Variants in CSMD1 observed in about 807,000 individuals in gnomAD.
CSMD1 encodes CUB and Sushi multiple domains 1, also known as CUB and sushi domain-containing protein 1.
CSMD1 carries 213 observed loss-of-function variants against 417.5 expected under a neutral mutation model. The ratio of observed to expected loss-of-function variants is 0.51; its 90% CI spans 0.46 to 0.57. The LOEUF (loss-of-function observed/expected upper bound fraction) is 0.57, where lower values mean the gene tolerates loss of function less well. Ranked by LOEUF, CSMD1 falls within the 20% of genes least tolerant of loss-of-function variation. The probability of loss-of-function intolerance (pLI) is 0.00; values close to 1 mark genes in which losing one functional copy is unlikely to be tolerated. For synonymous variants in CSMD1, 2,862 were observed against 1,736.8 expected, an observed-to-expected ratio of 1.65 and a Z score of -16.11; for missense variants, 6,923 against 4,529.7, an observed-to-expected ratio of 1.53 and a Z score of -15.17.
At chr8:4,497,975 A>G (rs1363494573) in intron 2 of CSMD1, among the ~76,000 whole-genome samples, 1 of 152,190 alleles carries the variant, frequency 6.6e-6, no homozygotes, top group Non-Finnish European at 1.5e-5. Flanking sequence ...AACAGGAGCG[A>G]CGTCTGCGTG....
At chr8:3,007,623 G>C (rs918862972) in intron 52 of CSMD1, among the ~76,000 whole-genome samples, 3 of 151,404 alleles carry the variant, frequency 2.0e-5, no homozygotes, top group Non-Finnish European at 2.9e-5. Flanking sequence ...CCTTCGTAGG[G>C]ACATGGATGA....
chr8:2,979,042 T>C (rs1396789393), intron 54 of CSMD1, among the ~76,000 whole-genome samples: 1 of 152,218 alleles, frequency 6.6e-6, no homozygotes, highest in African/African-American at 2.4e-5. Flanking sequence ...TTTCCTCTAT[T>C]TCCTAGTAAT....
chr8:3,959,286 C>T (rs1421913435), intron 5 of CSMD1, among the ~76,000 whole-genome samples: 1 of 152,112 alleles, frequency 6.6e-6, no homozygotes, highest in East Asian at 1.9e-4. Flanking sequence ...GACTTGAGGC[C>T]AGAAATGTGG....
chr8:4,912,944 C>A (rs1805798920), intron 1 of CSMD1, among the ~76,000 whole-genome samples: 1 of 152,138 alleles, frequency 6.6e-6, no homozygotes, highest in Non-Finnish European at 1.5e-5. Context: ...CACCACCTCA[C>A]CCAGCTAATT....
At chr8:3,679,897 A>C (rs1799564423) in intron 7 of CSMD1, among the ~76,000 whole-genome samples, 1 of 152,198 alleles carries the variant, frequency 6.6e-6, no homozygotes, top group South Asian at 2.1e-4. Context: ...AAAACCACAC[A>C]ACTACTTGGA....
intron 12 of CSMD1, among the ~76,000 whole-genome samples, chr8:3,410,971 A>G (rs1812663466): frequency 6.6e-6 from 1 of 152,158 alleles, no homozygotes; most frequent in Non-Finnish European, 1.5e-5. Flanking sequence ...GAAGATGGCA[A>G]TCAGCCCTTC....
At chr8:4,961,893 T>G (rs1809513767) in intron 1 of CSMD1, among the ~76,000 whole-genome samples, 1 of 76,638 alleles carries the variant, frequency 1.3e-5, no homozygotes, top group Admixed American at 1.1e-4. Context: ...GTGCAAAAAT[T>G]CCTTCCTTTT....
chr8:3,573,622 G>C (rs2116933480), intron 10 of CSMD1, among the ~76,000 whole-genome samples: 1 of 152,204 alleles, frequency 6.6e-6, no homozygotes, highest in Admixed American at 6.5e-5. Flanking sequence ...CATCTGTGAT[G>C]AACACTTTAC....
rs1563163945 is a variant in CSMD1, at chr8:2,938,115, T to G, written c.*470A>C. ...AAGGTGTCTTCTTCCAGAAAGCTTT[T>G]TATTTTTTTCAGAGTATTCGTGTTC... On this transcript the variant is annotated 3_prime_UTR_variant, in exon 70 of 70. Transcript: ENST00000635120. 6.5e-6 allele frequency: 1 copy of G among 152,982 alleles called. No individual in the cohort carries two copies. The highest frequency in any genetic ancestry group is 1.5e-5 in the Non-Finnish European group (1 of 68,588). The allele number at this position is 152,982 out of a possible 1,614,324, so 9.5% of individuals were successfully genotyped here. A position where few individuals can be genotyped will look rare whatever the true frequency, so the allele number is the denominator to read the frequency against.
intron 12 of CSMD1, among the ~76,000 whole-genome samples, chr8:3,438,721 A>C (rs958749914): frequency 6.6e-6 from 1 of 152,106 alleles, no homozygotes; most frequent in Non-Finnish European, 1.5e-5. Context: ...TGCTACTATT[A>C]CTTATTATTA....
intron 2 of CSMD1, among the ~76,000 whole-genome samples, chr8:4,466,047 T>C (rs1170431964): frequency 3.3e-5 from 5 of 152,172 alleles, no homozygotes; most frequent in Admixed American, 2.0e-4. Context: ...TTTATTACCA[T>C]CCAATGATAA....
intron 9 of CSMD1, among the ~76,000 whole-genome samples, chr8:3,576,294 A>ATAG (rs1800148746): frequency 8.2e-6 from 1 of 121,586 alleles, no homozygotes; most frequent in Non-Finnish European, 1.8e-5. Flanking sequence ...AATAATAATA[A>ATAG]TAATAATACA....
chr8:3,165,399 C>T (rs1820143726), intron 37 of CSMD1, among the ~76,000 whole-genome samples: 1 of 151,830 alleles, frequency 6.6e-6, no homozygotes, highest in Admixed American at 6.6e-5. Flanking sequence ...ATCATGAGAA[C>T]AGTGGTTTTT....
intron 6 of CSMD1, among the ~76,000 whole-genome samples, chr8:3,750,049 T>A (rs1484191346): frequency 2.0e-5 from 3 of 152,180 alleles, no homozygotes; most frequent in Non-Finnish European, 4.4e-5. Context: ...GAGTTCTTTA[T>A]GTTTTAAAAT....
intron 26 of CSMD1, among the ~76,000 whole-genome samples, chr8:3,237,331 G>T (rs1278984186): frequency 1.3e-5 from 2 of 151,636 alleles, no homozygotes; most frequent in Non-Finnish European, 2.9e-5. Flanking sequence ...GCTGGTCATG[G>T]TGGTGTGTGT....
chr8:4,714,881 T>G lies in CSMD1; in HGVS notation c.86-77323A>C, dbSNP rs1351523555. 3.3e-5 allele frequency among the ~76,000 whole-genome samples: 5 copies of G among 152,206 alleles called. No homozygotes were observed. The East Asian group carries it at 5.8e-4, about 18-fold the overall frequency. ...AACCGAAGAAAAAAATCTGTATACC[T>G]TTAGAATAATTGTATAATTTGACTA... On this transcript the variant is annotated intron_variant, in intron 1 of 69. Transcript: ENST00000635120.
chr8:3,017,458 A>T (rs1048822273), intron 52 of CSMD1, among the ~76,000 whole-genome samples: 1 of 152,224 alleles, frequency 6.6e-6, no homozygotes, highest in Non-Finnish European at 1.5e-5. Flanking sequence ...ACACACTCAT[A>T]TATATAATTG....
intron 3 of CSMD1, among the ~76,000 whole-genome samples, chr8:4,254,266 A>G (rs930216697): frequency 6.6e-6 from 1 of 152,106 alleles, no homozygotes; most frequent in Non-Finnish European, 1.5e-5. Flanking sequence ...AAATCAGCGA[A>G]CACCTGTGCC....
At chr8:4,529,093 C>T (rs1311052750) in intron 2 of CSMD1, among the ~76,000 whole-genome samples, 1 of 152,122 alleles carries the variant, frequency 6.6e-6, no homozygotes, top group Non-Finnish European at 1.5e-5. Flanking sequence ...AAAGAACTCT[C>T]TCTCATGAGT....
Sources: allele counts gnomAD v4.1 joint callset (sites outside exome capture counted in the v4.1 genomes callset), GRCh38; gene constraint gnomAD v4.1.1; transcripts MANE v1.5; gene names NCBI Gene and HGNC (gene_info 2026-07-23, HGNC 2026-07-21).